Variants in NLRP14 observed in about 807,000 individuals in gnomAD.
NLRP14 encodes NLR family pyrin domain containing 14.
In NLRP14, 105 loss-of-function variants were observed where a neutral mutation model predicts 94.7. That is an observed-to-expected ratio of 1.11 (90% CI 0.95 to 1.30). NLRP14 has a LOEUF of 1.30. Ranked by LOEUF, NLRP14 falls within the 50% of genes most tolerant of loss-of-function variation. NLRP14 has a pLI of 0.00. For synonymous variants in NLRP14, 508 were observed against 459.9 expected (o/e 1.10, Z -1.34); for missense variants, 1,362 against 1,254.1 (o/e 1.09, Z -1.30).
the NLRP14 span, among the ~76,000 whole-genome samples, chr11:7,086,893 C>T: frequency 6.6e-6 from 1 of 152,102 alleles, no homozygotes; most frequent in African/African-American, 2.4e-5. Flanking sequence ...GTAATAGGAA[C>T]CTAAAACAAT....
Position 7,043,431 on chromosome 11 carries a change from G to T in NLRP14, c.1405G>T (p.Asp469Tyr). ...TATGGACAGCAATATTATTCAGAAG[G>T]ACGCAGAGTATGAAAACTGCTATGT... Reference protein sequence around the residue: ...SFMDSNIIQKDAEYENCYVFT... With the variant: ...SFMDSNIIQKYAEYENCYVFT... Residue 469 changes from aspartate to tyrosine, a missense_variant, in exon 4 of 12, where the codon GAC becomes TAC. Transcript: ENST00000299481. The T allele has an allele frequency of 6.2e-7, 1 of 1,614,152 alleles. No homozygotes were observed. Among genetic ancestry groups the T allele is most frequent in the Non-Finnish European group, 8.5e-7 (1 of 1,180,014 alleles).
chr11:7,033,836 T>G (rs1241103953), intron 1 of NLRP14, among the ~76,000 whole-genome samples: 2 of 152,196 alleles, frequency 1.3e-5, no homozygotes, highest in African/African-American at 2.4e-5. Context: ...AGTCAGGTAA[T>G]TTGTATCATG....
intron 9 of NLRP14, among the ~76,000 whole-genome samples, chr11:7,060,507 A>T (rs1852600498): frequency 6.6e-6 from 1 of 151,944 alleles, no homozygotes; most frequent in South Asian, 2.1e-4. Context: ...AACAGTAGCC[A>T]TTTTATTCTT....
chr11:7,072,049 G>A (rs138776722), downstream of NLRP14, among the ~76,000 whole-genome samples: 318 of 152,342 alleles, frequency 2.1e-3, no homozygotes, highest in African/African-American at 7.3e-3. Context: ...TTTTGTGTGT[G>A]TGTGTGAAAG....
Position 7,071,412 on chromosome 11 carries a change from G to GCACTATCTCTGGGC in NLRP14, c.*104_*105insCACTATCTCTGGGC. The GCACTATCTCTGGGC allele has an allele frequency of 2.2e-6, 2 of 893,798 alleles. No individual in the cohort carries two copies. The highest frequency in any genetic ancestry group is 3.6e-6 in the Non-Finnish European group (2 of 562,902). The allele number at this position is 893,798 out of a possible 1,614,324, so 55.4% of individuals were successfully genotyped here. ...TAGCTTCAGATACTCTATGCCCAGAGATAGTGCACTTGGCAGCTGTCAGAT... is the reference window on the plus strand; with the variant it reads ...TAGCTTCAGATACTCTATGCCCAGAGCACTATCTCTGGGCATAGTGCACTTGGCAGCTGTCAGAT... On this transcript the variant is annotated 3_prime_UTR_variant, in exon 12 of 12. Transcript: ENST00000299481.
chr11:7,040,157 C>G (rs963179035), intron 3 of NLRP14, among the ~76,000 whole-genome samples: 1 of 152,186 alleles, frequency 6.6e-6, no homozygotes, highest in African/African-American at 2.4e-5. Context: ...TGGTGACCAA[C>G]TGGTTCATAT....
Position 7,043,128 on chromosome 11 carries a change from G to A in NLRP14, c.1102G>A (p.Val368Ile), listed in dbSNP as rs766353913. 7 of 1,614,040 alleles carry A rather than the reference G, an allele frequency of 4.3e-6. No homozygotes were observed. Among genetic ancestry groups the A allele is most frequent in the African/African-American group, 1.3e-5 (1 of 74,932 alleles). Residue 368 changes from valine (V) to isoleucine (I), a missense_variant, in exon 4 of 12, where the codon GTC (valine) becomes ATC (isoleucine). Transcript: ENST00000299481. ...TGAGATGCTGTTTAGCATGTGCCAA[G>A]TCCCCCTAGTGTGCTGGGCCGCTTG... ...SNEMLFSMCQVPLVCWAACTC... is the reference protein window; with the variant it reads ...SNEMLFSMCQIPLVCWAACTC...
the NLRP14 span, among the ~76,000 whole-genome samples, chr11:7,082,632 A>G: frequency 6.6e-6 from 1 of 152,202 alleles, no homozygotes; most frequent in African/African-American, 2.4e-5. Context: ...TTCCGTCATT[A>G]CAGAACCCAT....
Position 7,043,948 on chromosome 11 carries a change from A to G in NLRP14, c.1922A>G (p.Lys641Arg), listed in dbSNP as rs1852312645. The G allele has an allele frequency of 1.2e-6, 2 of 1,614,190 alleles. No individual in the cohort carries two copies. The highest frequency in any genetic ancestry group is 8.5e-7 in the Non-Finnish European group (1 of 1,180,028). The change falls in exon 4 of 12, where the codon AAG (lysine) becomes AGG (arginine). Residue 641 changes from lysine to arginine, a missense_variant. Transcript: ENST00000299481. The part of the protein sequence containing the change: ...IRLSVTVVFE[K>R]KILKTSLPTN... ...CTGTCTGTAACTGTGGTATTTGAGA[A>G]GAAGATATTAAAAACAAGCCTCCCA...
At position 7,046,592 on chromosome 11, in the gene NLRP14, A is replaced by G. The variant is rs897386579; in HGVS notation, c.1959-76A>G. ...TCCAAAGTACACTTACTTTTACTCC[A>G]ATACTATCCTCTGAGAGTTGGCTAG... On this transcript the variant is annotated intron_variant, in intron 4 of 11. Coordinates refer to ENST00000299481, the MANE Select transcript of NLRP14 (RefSeq NM_176822.4). 2.9e-5 allele frequency: 40 copies of G among 1,366,462 alleles called. No homozygotes were observed. The African/African-American group carries it at 5.4e-4, about 18-fold the overall frequency. The allele number at this position is 1,366,462 out of a possible 1,614,324, so 84.6% of individuals were successfully genotyped here.
intron 11 of NLRP14, among the ~76,000 whole-genome samples, chr11:7,070,752 TA>T (rs1852782007): frequency 6.6e-6 from 1 of 152,102 alleles, no homozygotes; most frequent in Non-Finnish European, 1.5e-5. Context: ...TGCTTATGAG[TA>T]AAATGGGTGA....
intron 10 of NLRP14, among the ~76,000 whole-genome samples, chr11:7,062,947 A>G (rs927396321): frequency 6.6e-6 from 1 of 152,078 alleles, no homozygotes; most frequent in Non-Finnish European, 1.5e-5. Context: ...ATTTTTATTT[A>G]ATTTTGAACT....
chr11:7,089,329 A>G, the NLRP14 span: 6 of 1,607,966 alleles, frequency 3.7e-6, no homozygotes, highest in Non-Finnish European at 5.1e-6. Context: ...AGAGACATGA[A>G]CGGCAAGTCC....
intron 6 of NLRP14, among the ~76,000 whole-genome samples, chr11:7,050,575 G>A (rs1352967014): frequency 6.6e-6 from 1 of 152,180 alleles, no homozygotes; most frequent in African/African-American, 2.4e-5. Context: ...CTCAGTTCAG[G>A]GTGGCCAAGA....
the NLRP14 span, chr11:7,090,214 A>G: frequency 1.2e-6 from 2 of 1,612,066 alleles, no homozygotes; most frequent in South Asian, 2.2e-5. Flanking sequence ...CGTGATTCTT[A>G]CAGCCGGTCA....
intron 6 of NLRP14, among the ~76,000 whole-genome samples, chr11:7,053,343 C>T (rs369721503): frequency 1.3e-5 from 2 of 151,598 alleles, no homozygotes; most frequent in South Asian, 2.1e-4. Flanking sequence ...TGTGATACCT[C>T]AAAACTTGAC....
At chr11:7,079,446 A>G in the NLRP14 span, among the ~76,000 whole-genome samples, 1 of 152,224 alleles carries the variant, frequency 6.6e-6, no homozygotes, top group East Asian at 1.9e-4. Flanking sequence ...ATCGTTCTTT[A>G]TCTGGTCACG....
the NLRP14 span, chr11:7,088,891 C>T: frequency 1.7e-6 from 1 of 574,756 alleles, no homozygotes; most frequent in African/African-American, 1.9e-5. Context: ...GAAAAGGAGA[C>T]ACAAAACTGC....
intron 1 of NLRP14, among the ~76,000 whole-genome samples, chr11:7,031,512 A>G (rs546253948): frequency 1.3e-5 from 2 of 152,094 alleles, no homozygotes; most frequent in African/African-American, 4.8e-5. Context: ...CCATTTGTCA[A>G]ATTCCAAAGA....
Sources: allele counts gnomAD v4.1 joint callset (sites outside exome capture counted in the v4.1 genomes callset), GRCh38; gene constraint gnomAD v4.1.1; transcripts MANE v1.5; gene names NCBI Gene and HGNC (gene_info 2026-07-23, HGNC 2026-07-21).